MOV10: variants seen among roughly 807,000 people sequenced by gnomAD.
MOV10 encodes the protein Mov10 RNA helicase.
In MOV10, 39 loss-of-function variants were observed where a neutral mutation model predicts 108.4. The ratio of observed to expected loss-of-function variants is 0.36; its 90% confidence interval spans 0.28 to 0.47. The LOEUF is 0.47. Among genes scored for constraint, MOV10 ranks in the 20% least tolerant of loss-of-function variants. The probability of loss-of-function intolerance (pLI) is 1.00; values close to 1 mark genes in which losing one functional copy is unlikely to be tolerated. For missense variants in MOV10, 952 were observed against 1,297.6 expected (o/e 0.73, Z 4.09); for synonymous variants, 490 against 523.1 (o/e 0.94, Z 0.86).
chr1:112,694,598 G>C lies in MOV10; in HGVS notation c.1441G>C (p.Val481Leu), dbSNP rs112768939. ...PMLFPVAPRDVPLLPSDVKLK... is the reference protein window; with the variant it reads ...PMLFPVAPRDLPLLPSDVKLK... ...GCTCTTTCCTGTGGCACCTCGGGACGTCCCGCTGCTGCCCTCAGATGTGAA... is the reference window on the plus strand; with the variant it reads ...GCTCTTTCCTGTGGCACCTCGGGACCTCCCGCTGCTGCCCTCAGATGTGAA... The change falls in exon 9 of 21, where the codon GTC becomes CTC. Residue 481 changes from valine (V) to leucine (L), a missense_variant. Physicochemically the swap from Val to Leu is conservative, Grantham distance 32. Coordinates refer to ENST00000369645, the MANE Select transcript of MOV10 (RefSeq NM_001321324.2). The surrounding 1 kb of genome is among the most constrained non-coding windows in gnomAD (Gnocchi z 4.1). The C allele has an allele frequency of 1.9e-6, 3 of 1,610,178 alleles. No individual in the cohort carries two copies. In the African/African-American group the frequency reaches 4.0e-5, roughly 21 times the overall value.
chr1:112,694,732 C>T lies in MOV10; in HGVS notation c.1473-17C>T. On this transcript the variant is annotated splice_polypyrimidine_tract_variant and intron_variant, in intron 9 of 20. Coordinates refer to ENST00000369645, the MANE Select transcript of MOV10 (RefSeq NM_001321324.2). The surrounding 1 kb of genome is among the most constrained non-coding windows in gnomAD (Gnocchi z 4.1). Reference sequence around the variant, plus strand: ...CACTGGATGACTTCAAGTTCACATTCCTGGTCCCTCTGCCAGGCTGTACGA... The same window carrying T: ...CACTGGATGACTTCAAGTTCACATTTCTGGTCCCTCTGCCAGGCTGTACGA... 6.2e-7 allele frequency: 1 copy of T among 1,612,786 alleles called. No homozygotes were observed. Among genetic ancestry groups the T allele is most frequent in the South Asian group, 1.1e-5 (1 of 90,954 alleles).
intron 2 of MOV10, 41 bp from the exon 3 acceptor site, chr1:112,688,894 C>T (rs754896107): frequency 3.1e-6 from 5 of 1,610,416 alleles, no homozygotes; most frequent in African/African-American, 2.7e-5. Flanking sequence ...TCCCTCGAGC[C>T]CTGCCTTCCC....
At chr1:112,696,568 CCT>C (rs777858881) in intron 13 of MOV10, 34 bp downstream of exon 13, 2 of 1,610,694 alleles carry the variant, frequency 1.2e-6, no homozygotes, top group Admixed American at 3.3e-5. Context: ...AGGTATACAC[CCT>C]GTGTGGGTCA....
At chr1:112,700,120 A>G in intron 19 of MOV10, 99 bp from the exon 20 acceptor site, 2 of 1,593,096 alleles carry the variant, frequency 1.3e-6, no homozygotes, top group Non-Finnish European at 1.7e-6. Flanking sequence ...TTGTATTTAT[A>G]AGTTAAATGA....
At position 112,700,641 on chromosome 1, in the gene MOV10, CCCCCT is replaced by C; in HGVS notation, c.*140_*144del. ...GGAGTTTACAACCCAAGCCATTCCA[CCCCCT>C]CCCCTGCTGGGGAGAATGACACATC... On this transcript the variant is annotated 3_prime_UTR_variant, in exon 21 of 21. Transcript: ENST00000369645. 1 of 1,542,732 alleles carries C rather than the reference CCCCCT, an allele frequency of 6.5e-7. No individual in the cohort carries two copies.
At chr1:112,688,784 T>G (rs1673294619) in intron 2 of MOV10, 151 bp from the exon 3 acceptor site, 1 of 1,474,148 alleles carries the variant, frequency 6.8e-7, no homozygotes, top group East Asian at 2.4e-5. Flanking sequence ...ATCCCCAGCC[T>G]GAGTCTCTCT....
At chr1:112,699,142 A>G (rs1303592353) in intron 17 of MOV10, 5 of 265,918 alleles carry the variant, frequency 1.9e-5, no homozygotes, top group Admixed American at 1.0e-4. Context: ...CACTGGCTGC[A>G]GATAACAATC....
chr1:112,674,478 T>C (rs41283066), upstream of MOV10: 393 of 153,490 alleles, frequency 2.6e-3, 1 homozygote, highest in Non-Finnish European at 4.5e-3. Context: ...CCCTGCCCTT[T>C]GCTCTCCTGC....
At position 112,692,810 on chromosome 1, in the gene MOV10, C is replaced by A. The variant is rs1673701829; in HGVS notation, c.1021C>A (p.Arg341=). ...GTGGAGGAACTATGAGGTGAAGCTG[C>A]GGCTGCTGCTGCACCTGGAGGAACT... is the stretch of plus-strand genomic sequence containing the variant. The part of the protein sequence containing the change: ...LKWRNYEVKL[R]LLLHLEELQM... Residue 341 remains arginine (R), a synonymous_variant, in exon 7 of 21, where the codon CGG becomes AGG. Coordinates refer to ENST00000369645, the MANE Select transcript of MOV10 (RefSeq NM_001321324.2). 6.2e-7 allele frequency: 1 copy of A among 1,613,950 alleles called. No individual in the cohort carries two copies. The highest frequency in any genetic ancestry group is 1.7e-5 in the Admixed American group (1 of 60,002).
Position 112,675,638 on chromosome 1 carries a change from G to C in MOV10, c.137+589G>C, listed in dbSNP as rs1201134988. Among the ~76,000 whole-genome samples, 1 of 152,268 alleles carries C rather than the reference G, an allele frequency of 6.6e-6. No individual in the cohort carries two copies. Among genetic ancestry groups the C allele is most frequent in the Non-Finnish European group, 1.5e-5 (1 of 68,048 alleles). ...GCGTACCAAACCTCCATTAGCACCT[G>C]TGGCTTCTCCATGGAGACCCAGGGG... On this transcript the variant is annotated intron_variant, in intron 2 of 20. Transcript: ENST00000369645. This position sits in a 1 kb window ranked among gnomAD's most constrained non-coding sequence, Gnocchi z 4.7.
At chr1:112,699,083 G>A in intron 17 of MOV10, 1 of 393,526 alleles carries the variant, frequency 2.5e-6, no homozygotes. Context: ...GTCATGTGAT[G>A]CTGCCACCCC....
rs764967134 is a variant in MOV10 at position 112,695,445 on chromosome 1, C to T, written c.1650C>T (p.Ile550=). The change falls in exon 11 of 21, where the codon ATC becomes ATT. Residue 550 remains isoleucine, a synonymous_variant. Transcript: ENST00000369645. The part of the protein sequence containing the change: ...QVVKHLPKAH[I]LACAPSNSGA... ...TGAAGCACTTGCCCAAAGCCCACATCTTGGCCTGCGCTCCATCCAACTCAG... is the reference window on the plus strand; with the variant it reads ...TGAAGCACTTGCCCAAAGCCCACATTTTGGCCTGCGCTCCATCCAACTCAG... 7.9e-5 allele frequency: 128 copies of T among 1,614,094 alleles called. No homozygotes were observed. The highest frequency in any genetic ancestry group is 1.0e-4 in the Non-Finnish European group (121 of 1,180,046).
At chr1:112,695,913 G>A (rs41283070) in intron 11 of MOV10, among the ~76,000 whole-genome samples, 4 of 152,256 alleles carry the variant, frequency 2.6e-5, no homozygotes, top group East Asian at 1.9e-4. Flanking sequence ...ATGGTGGCGC[G>A]TGCCTGTAGC....
At chr1:112,692,264 T>C (rs11102520) in intron 6 of MOV10, among the ~76,000 whole-genome samples, 35,229 of 151,970 alleles carry the variant, frequency 0.23, 4,725 homozygotes, top group East Asian at 0.57. Flanking sequence ...CCCAGGAGGT[T>C]GAGGACACAG....
intron 3 of MOV10, 38 bp from the exon 4 acceptor site, chr1:112,689,377 T>TACC: frequency 1.3e-6 from 1 of 792,800 alleles, no homozygotes; most frequent in Non-Finnish European, 2.2e-6. Flanking sequence ...GTCAGACCGC[T>TACC]CCCACCCCAA....
At position 112,695,398 on chromosome 1, in the gene MOV10, C is replaced by A. The variant is rs375961700; in HGVS notation, c.1621-18C>A. The A allele has an allele frequency of 6.2e-7, 1 of 1,612,634 alleles. No individual in the cohort carries two copies. Among genetic ancestry groups the A allele is most frequent in the Non-Finnish European group, 8.5e-7 (1 of 1,179,154 alleles). On this transcript the variant is annotated intron_variant, in intron 10 of 20. Transcript: ENST00000369645. ...TCTCAGGAACCTGCCTCCCACACTG[C>A]GCTTATCTGCATCTCAGGTGGTGAA...
intron 2 of MOV10, among the ~76,000 whole-genome samples, chr1:112,680,686 T>G (rs1052720508): frequency 6.6e-5 from 9 of 137,166 alleles, no homozygotes; most frequent in Non-Finnish European, 1.1e-4. Flanking sequence ...AAACTTTTGG[T>G]GATCACCTTT....
At position 112,690,004 on chromosome 1, in the gene MOV10, G is replaced by T. The variant is rs765244376; in HGVS notation, c.742G>T (p.Ala248Ser). The change falls in exon 5 of 21, where the codon GCA becomes TCA. Residue 248 changes from alanine to serine, a missense_variant. Around this residue, in one of 5 missense-constraint regions of MOV10, gnomAD observed 374 missense variants for 468.6 expected, o/e 0.80. Coordinates refer to ENST00000369645, the MANE Select transcript of MOV10 (RefSeq NM_001321324.2). ...TGCCGTCGCCCACAGCCCCCTGGCT[G>T]CACAGCTGAAGCCCATGACTCCCTT... The part of the protein sequence containing the change: ...LAAVAHSPLA[A>S]QLKPMTPFKR... The T allele has an allele frequency of 1.2e-6, 2 of 1,614,132 alleles. No individual in the cohort carries two copies. The highest frequency in any genetic ancestry group is 2.7e-5 in the African/African-American group (2 of 75,054).
rs764361211 is a variant in MOV10 at position 112,691,697 on chromosome 1, C to T, written c.869C>T (p.Ala290Val). Residue 290 changes from alanine to valine, a missense_variant, in exon 6 of 21, where the codon GCG (alanine) becomes GTG (valine). By Grantham distance (64) the Ala-to-Val change is moderately conservative (BLOSUM62 0). This residue lies in a region of MOV10 where 374 missense variants were observed against 468.6 expected (regional missense o/e 0.80). Transcript: ENST00000369645. ...AKGYDLELSM[A>V]LGTYYPPPRL... ...GGCTATGACCTGGAGTTAAGTATGG[C>T]GCTGGGGACATACTACCCACCTCCC... 21 of 1,613,962 alleles carry T rather than the reference C, an allele frequency of 1.3e-5. No homozygotes were observed. The highest frequency in any genetic ancestry group is 1.6e-4 in the Middle Eastern group (1 of 6,084).
Sources: gnomAD v4.1 joint callset for allele counts (sites outside exome capture counted in the v4.1 genomes callset) on GRCh38, gnomAD v4.1.1 for gene constraint, gnomAD v4.1.1 regional missense constraint, Gnocchi (gnomAD v3.1) non-coding constraint, MANE v1.5 for transcripts, NCBI Gene and HGNC (gene_info 2026-07-23, HGNC 2026-07-21) for gene names.